GSE1: variants seen among roughly 807,000 people sequenced by gnomAD.
The protein encoded by GSE1 is genetic suppressor element 1.
Under a neutral mutation model 112.6 loss-of-function variants are expected in GSE1, and 32 were observed. That is an observed-to-expected ratio of 0.28 (90% CI 0.21 to 0.38). The LOEUF is 0.38. Among genes scored for constraint, GSE1 ranks in the 10% least tolerant of loss-of-function variants. The pLI is 1.00. For synonymous variants in GSE1, 1,115 were observed against 735.6 expected, an observed-to-expected ratio of 1.52 and a Z score of -8.35; for missense variants, 2,348 against 1,699.2, an observed-to-expected ratio of 1.38 and a Z score of -6.71.
At position 85,661,340 on chromosome 16, in the gene GSE1, T is replaced by G; in HGVS notation, c.1835T>G (p.Phe612Cys). The G allele has an allele frequency of 6.2e-7, 1 of 1,612,148 alleles. No individual in the cohort carries two copies. Among genetic ancestry groups the G allele is most frequent in the Non-Finnish European group, 8.5e-7 (1 of 1,179,538 alleles). The stretch of plus-strand genomic sequence containing the variant: ...TCTCTGCACAGCCACCCGGCTGCAT[T>G]TGAGCCCAGCCGCCAGGCAGCCGTG... ...SHSLHSHPAA[F>C]EPSRQAAVPL... The change falls in exon 9 of 16, where the codon TTT (phenylalanine) becomes TGT (cysteine). Residue 612 changes from phenylalanine (F) to cysteine (C), a missense_variant. Physicochemically the swap from Phe to Cys is radical, Grantham distance 205 (BLOSUM62 -2). Coordinates refer to ENST00000253458, the MANE Select transcript of GSE1 (RefSeq NM_014615.5).
At chr16:85,239,564 A>G (rs1376259964) in intron 1 of GSE1, among the ~76,000 whole-genome samples, 2 of 152,200 alleles carry the variant, frequency 1.3e-5, no homozygotes, top group East Asian at 3.9e-4. Flanking sequence ...TGGTGCTACC[A>G]TGCCTTCAGG....
At chr16:85,383,526 C>T (rs2047609961) in intron 2 of GSE1, among the ~76,000 whole-genome samples, 2 of 131,446 alleles carry the variant, frequency 1.5e-5, no homozygotes, top group Non-Finnish European at 3.2e-5. Flanking sequence ...CGCACACCTG[C>T]GTCTCTCTCT....
chr16:85,268,143 C>T (rs1273085520), intron 1 of GSE1, among the ~76,000 whole-genome samples: 1 of 152,170 alleles, frequency 6.6e-6, no homozygotes, highest in Non-Finnish European at 1.5e-5. Flanking sequence ...ACAGTGCTGT[C>T]TATCCTGCTG....
At chr16:85,218,795 C>T (rs1309522734) in intron 1 of GSE1, among the ~76,000 whole-genome samples, 5 of 152,232 alleles carry the variant, frequency 3.3e-5, no homozygotes, top group Non-Finnish European at 7.3e-5. Context: ...GTGCAGTAGC[C>T]AGGCACCCTT....
chr16:85,338,284 A>G (rs1478269128), intron 1 of GSE1, among the ~76,000 whole-genome samples: 3 of 152,164 alleles, frequency 2.0e-5, no homozygotes, highest in Non-Finnish European at 4.4e-5. Context: ...GGGTGCATTC[A>G]GCTGGTGAAC....
chr16:85,479,491 A>T (rs2050606825), intron 2 of GSE1, among the ~76,000 whole-genome samples: 1 of 151,524 alleles, frequency 6.6e-6, no homozygotes, highest in African/African-American at 2.4e-5. Context: ...TTTAGTAGAG[A>T]TGGGGTTTCT....
At position 85,203,194 on chromosome 16, in the gene GSE1, C is replaced by G. The variant is rs186705148; in HGVS notation, c.2283+31387C>G. On this transcript the variant is annotated intron_variant, in intron 1 of 2. Coordinates refer to the GSE1 transcript ENST00000637419. The stretch of plus-strand genomic sequence containing the variant: ...GCTCTCCTAGGCACCCCCTTTCCAT[C>G]TTTGCTCCACTGTCCTCCTCAGCAT... 3.1e-3 allele frequency among the ~76,000 whole-genome samples: 393 copies of G among 127,778 alleles called. 7 individuals are homozygous for G. In the East Asian group the frequency reaches 0.043, roughly 14 times the overall value. 83.8% of individuals were successfully genotyped at this position (127,778 alleles called of 152,430 possible). A position where few individuals can be genotyped will look rare whatever the true frequency, so the allele number is the denominator to read the frequency against.
At chr16:85,411,445 CT>C (rs869273235) in intron 2 of GSE1, among the ~76,000 whole-genome samples, 1 of 20,084 alleles carries the variant, frequency 5.0e-5, no homozygotes, top group South Asian at 2.9e-3. Flanking sequence ...CAGGTCCCCC[CT>C]GGATAATCCT....
chr16:85,371,971 A>G (rs928331907), intron 2 of GSE1, among the ~76,000 whole-genome samples: 2 of 152,196 alleles, frequency 1.3e-5, no homozygotes, highest in Non-Finnish European at 2.9e-5. Flanking sequence ...AGGGAGAGGA[A>G]GCGTGCAGAG....
chr16:85,296,260 T>C (rs180907118), intron 1 of GSE1, among the ~76,000 whole-genome samples: 1 of 152,280 alleles, frequency 6.6e-6, no homozygotes, highest in Admixed American at 6.5e-5. Context: ...CGGCTCATCA[T>C]GTGTGAGCAC....
At chr16:85,621,745 C>T (rs1344296359) in intron 1 of GSE1, among the ~76,000 whole-genome samples, 2 of 152,196 alleles carry the variant, frequency 1.3e-5, no homozygotes, top group Non-Finnish European at 1.5e-5. Context: ...GGTTTTGTGT[C>T]ATCCGTGTCT....
Position 85,675,580 on chromosome 16 carries a change from G to A in GSE1, c.*3041G>A, listed in dbSNP as rs2053635948. 6.6e-6 allele frequency: 1 copy of A among 152,222 alleles called. No individual in the cohort carries two copies. The highest frequency in any genetic ancestry group is 2.4e-5 in the African/African-American group (1 of 41,456). The allele number at this position is 152,222 out of a possible 1,614,324, so 9.4% of individuals were successfully genotyped here. A position where few individuals can be genotyped will look rare whatever the true frequency, so the allele number is the denominator to read the frequency against. On this transcript the variant is annotated 3_prime_UTR_variant, in exon 16 of 16. Transcript: ENST00000253458. ...AAAAGGAGCCCACACCTTCAGCAGT[G>A]AAGGATTCTAACACAGGGAATCTGC...
chr16:85,617,930 C>T (rs904560019), intron 1 of GSE1, among the ~76,000 whole-genome samples: 2 of 152,134 alleles, frequency 1.3e-5, no homozygotes, highest in Non-Finnish European at 2.9e-5. Context: ...CGCAGGACGG[C>T]GTGGCACCTG....
chr16:85,495,637 C>G (rs907474963), intron 2 of GSE1, among the ~76,000 whole-genome samples: 1 of 151,894 alleles, frequency 6.6e-6, no homozygotes, highest in African/African-American at 2.4e-5. Flanking sequence ...ATTACAGGTG[C>G]GCACTACCAC....
At chr16:85,665,245 T>G in intron 12 of GSE1, 117 bp downstream of exon 12, 2 of 632,182 alleles carry the variant, frequency 3.2e-6, no homozygotes, top group Non-Finnish European at 5.7e-6. Flanking sequence ...GCAGGCTGTC[T>G]TCTTCCATTC....
chr16:85,421,177 G>A (rs1190915845), intron 2 of GSE1, among the ~76,000 whole-genome samples: 1 of 152,210 alleles, frequency 6.6e-6, no homozygotes, highest in Non-Finnish European at 1.5e-5. Flanking sequence ...GGCAGGGCTG[G>A]GCAGTTCGGA....
intron 2 of GSE1, among the ~76,000 whole-genome samples, chr16:85,391,816 C>A (rs998220440): frequency 6.6e-6 from 1 of 152,198 alleles, no homozygotes; most frequent in African/African-American, 2.4e-5. Context: ...CCCCACCAAT[C>A]TCCGAGCTCA....
chr16:85,426,925 G>A (rs578184140), intron 2 of GSE1, among the ~76,000 whole-genome samples: 4 of 152,190 alleles, frequency 2.6e-5, no homozygotes, highest in Non-Finnish European at 4.4e-5. Context: ...CATGGACTGT[G>A]GTGTGTCCCA....
intron 2 of GSE1, among the ~76,000 whole-genome samples, chr16:85,636,531 G>A (rs2050012560): frequency 6.6e-6 from 1 of 152,204 alleles, no homozygotes; most frequent in South Asian, 2.1e-4. Flanking sequence ...GAGTCACCCG[G>A]ACCCTGACCT....
Sources: allele counts gnomAD v4.1 joint callset (sites outside exome capture counted in the v4.1 genomes callset), GRCh38; gene constraint gnomAD v4.1.1; transcripts MANE v1.5; gene names NCBI Gene and HGNC (gene_info 2026-07-23, HGNC 2026-07-21).